GRHL2: variants seen among roughly 807,000 people sequenced by gnomAD.
GRHL2 encodes grainyhead-like protein 2 homolog.
Under a neutral mutation model 83.8 loss-of-function variants are expected in GRHL2, and 21 were observed. The ratio of observed to expected loss-of-function variants is 0.25; its 90% CI spans 0.18 to 0.36. GRHL2 has a LOEUF of 0.36. Ranked by LOEUF, GRHL2 falls within the 10% of genes least tolerant of loss-of-function variation. The probability of loss-of-function intolerance (pLI) is 1.00; values close to 1 mark genes in which losing one functional copy is unlikely to be tolerated. For synonymous variants in GRHL2, 280 were observed against 278.9 expected (o/e 1.00, Z -0.04); for missense variants, 623 against 781.8 (o/e 0.80, Z 2.42).
At chr8:101,610,968 GAAGGATAAGA>G (rs1267491247) in intron 8 of GRHL2, among the ~76,000 whole-genome samples, 12 of 150,912 alleles carry the variant, frequency 8.0e-5, no homozygotes, top group Admixed American at 7.9e-4. Flanking sequence ...ATTAAGGGCA[GAAGGATAAGA>G]AGAGGATTGA....
intron 2 of GRHL2, among the ~76,000 whole-genome samples, chr8:101,546,420 T>A (rs1249718204): frequency 2.0e-5 from 3 of 151,882 alleles, no homozygotes; most frequent in South Asian, 4.2e-4. Flanking sequence ...TAATTTTTTT[T>A]TTTTTTTTAG....
chr8:101,501,871 G>GA (rs1810235718), intron 1 of GRHL2, among the ~76,000 whole-genome samples: 1 of 151,406 alleles, frequency 6.6e-6, no homozygotes, highest in African/African-American at 2.4e-5. Context: ...TGATTAGTTT[G>GA]AAAAAACATG....
At chr8:101,493,542 A>T (rs1355258383) in intron 1 of GRHL2, among the ~76,000 whole-genome samples, 1 of 152,036 alleles carries the variant, frequency 6.6e-6, no homozygotes, top group Non-Finnish European at 1.5e-5. Flanking sequence ...TGAGGCCTCG[A>T]GTTAGGGCCT....
At position 101,669,392 on chromosome 8, in the gene GRHL2, G is replaced by C. The variant is rs1452328662; in HGVS notation, c.*2689G>C. The C allele has an allele frequency of 6.6e-6, 1 of 152,110 alleles. No homozygotes were observed. The highest frequency in any genetic ancestry group is 2.4e-5 in the African/African-American group (1 of 41,308). 9.4% of individuals were successfully genotyped at this position (152,110 alleles called of 1,614,324 possible). A position where few individuals can be genotyped will look rare whatever the true frequency, so the allele number is the denominator to read the frequency against. ...AAAAATGCAGTCAGATGTCATCTTG[G>C]AATTGGTTTCTAAAAGAGTAAGGCA... On this transcript the variant is annotated 3_prime_UTR_variant, in exon 16 of 16. Transcript: ENST00000646743.
intron 1 of GRHL2, among the ~76,000 whole-genome samples, chr8:101,514,360 G>T (rs1810525728): frequency 1.3e-5 from 2 of 152,192 alleles, no homozygotes; most frequent in South Asian, 4.1e-4. Flanking sequence ...CCATGATGAG[G>T]TTAAACATGC....
chr8:101,540,166 G>T (rs1253931014), intron 1 of GRHL2, among the ~76,000 whole-genome samples: 1 of 152,186 alleles, frequency 6.6e-6, no homozygotes, highest in Non-Finnish European at 1.5e-5. Context: ...TGCAGTGATA[G>T]TCATACCTGT....
At chr8:101,657,967 G>T (rs964011553) in intron 14 of GRHL2, among the ~76,000 whole-genome samples, 8 of 152,196 alleles carry the variant, frequency 5.3e-5, no homozygotes, top group African/African-American at 1.9e-4. Flanking sequence ...TGTTGTGTGG[G>T]TGATCTCATC....
chr8:101,579,126 T>A (rs974319579), intron 7 of GRHL2, among the ~76,000 whole-genome samples: 4 of 152,140 alleles, frequency 2.6e-5, no homozygotes, highest in Admixed American at 2.6e-4. Context: ...AGGACGGGGA[T>A]TGGGGATACT....
intron 14 of GRHL2, among the ~76,000 whole-genome samples, chr8:101,658,581 C>T (rs967779114): frequency 1.6e-4 from 24 of 152,186 alleles, no homozygotes; most frequent in Middle Eastern, 3.4e-3. Context: ...GATTTTATGC[C>T]CTTACCCAGT....
intron 3 of GRHL2, among the ~76,000 whole-genome samples, chr8:101,557,347 C>T (rs1485777673): frequency 6.6e-6 from 1 of 151,408 alleles, no homozygotes; most frequent in Non-Finnish European, 1.5e-5. Context: ...ACCTCAGCCT[C>T]CCGAGTAGCT....
intron 8 of GRHL2, 90 bp from the exon 9 acceptor site, chr8:101,619,449 T>C (rs1296014809): frequency 9.1e-7 from 1 of 1,095,108 alleles, no homozygotes; most frequent in Non-Finnish European, 1.4e-6. Context: ...TGGGGTTGTT[T>C]AGTATTTTGA....
chr8:101,605,022 TCTAGCCTTCTGCTTTGC>T (rs1563603725), intron 8 of GRHL2, among the ~76,000 whole-genome samples: 3 of 152,346 alleles, frequency 2.0e-5, no homozygotes, highest in South Asian at 4.1e-4. Flanking sequence ...TATTGGTTTG[TCTAGCCTTCTGCTTTGC>T]CAGAGCATCA....
At chr8:101,542,899 C>T (rs1355245534) in intron 1 of GRHL2, 54 of 458,520 alleles carry the variant, frequency 1.2e-4, no homozygotes, top group South Asian at 8.3e-4. Context: ...ATGACCTAAA[C>T]ACCTCTTAAA....
chr8:101,618,377 ATC>A (rs1485256678), intron 8 of GRHL2, among the ~76,000 whole-genome samples: 7 of 152,136 alleles, frequency 4.6e-5, no homozygotes, highest in African/African-American at 1.7e-4. Flanking sequence ...TTTCTCTTAT[ATC>A]TCTTGATGCG....
chr8:101,619,654 C>G lies in GRHL2; in HGVS notation c.1214C>G (p.Pro405Arg). ...AGTTATAACAATCGTAGCAATAAACCCATTCATAGAGCTTATTGCCAGATC... is the reference window on the plus strand; with the variant it reads ...AGTTATAACAATCGTAGCAATAAACGCATTCATAGAGCTTATTGCCAGATC... ...TYSYNNRSNK[P>R]IHRAYCQIKV... The change falls in exon 9 of 16, where the codon CCC (proline) becomes CGC (arginine). Residue 405 changes from proline (P) to arginine (R), a missense_variant. Physicochemically the swap from Pro to Arg is moderately radical, Grantham distance 103. Around this residue, in one of 8 missense-constraint regions of GRHL2, gnomAD observed 24 missense variants for 25.5 expected, o/e 0.94. Coordinates refer to ENST00000646743, the MANE Select transcript of GRHL2 (RefSeq NM_024915.4). 1.2e-6 allele frequency: 2 copies of G among 1,612,552 alleles called. No homozygotes were observed.
intron 8 of GRHL2, among the ~76,000 whole-genome samples, chr8:101,601,484 T>A (rs1179497584): frequency 6.6e-6 from 1 of 152,194 alleles, no homozygotes; most frequent in Non-Finnish European, 1.5e-5. Flanking sequence ...ATACCACTCA[T>A]TCACCATAAG....
rs114320618 is a variant in GRHL2, at chr8:101,621,722, C to T, written c.1257+2025C>T. Among the ~76,000 whole-genome samples, 771 of 151,924 alleles carry T rather than the reference C, an allele frequency of 5.1e-3. 7 individuals are homozygous for T. The highest frequency in any genetic ancestry group is 0.017 in the African/African-American group (711 of 41,422). On this transcript the variant is annotated intron_variant, in intron 9 of 15. Coordinates refer to ENST00000646743, the MANE Select transcript of GRHL2 (RefSeq NM_024915.4). ...ACCAGCTTAGGCAACAAAGCGAGAC[C>T]CCTGTCTCTACAAAAAAATGTAAAA...
chr8:101,513,872 G>GC (rs1810516101), intron 1 of GRHL2, among the ~76,000 whole-genome samples: 1 of 152,092 alleles, frequency 6.6e-6, no homozygotes, highest in African/African-American at 2.4e-5. Context: ...ATTATGCGCT[G>GC]CAACAATTCA....
At chr8:101,543,708 A>G (rs1811202600) in intron 2 of GRHL2, 1 of 450,606 alleles carries the variant, frequency 2.2e-6, no homozygotes, top group Non-Finnish European at 4.1e-6. Flanking sequence ...TATTATTCTT[A>G]CCATATTACA....
Sources: allele counts gnomAD v4.1 joint callset (sites outside exome capture counted in the v4.1 genomes callset), GRCh38; gene constraint gnomAD v4.1.1; regional missense constraint gnomAD v4.1.1; transcripts MANE v1.5; gene names NCBI Gene and HGNC (gene_info 2026-07-23, HGNC 2026-07-21).